Variants in SEMA6D observed in about 807,000 individuals in gnomAD.
The protein encoded by SEMA6D is semaphorin 6D, also known as semaphorin-6D.
A neutral mutation model predicts 106.6 loss-of-function variants in SEMA6D; 35 were observed. The observed-to-expected ratio is 0.33, with a 90% CI of 0.25 to 0.44. The LOEUF (loss-of-function observed/expected upper bound fraction) is 0.44, where lower values mean the gene tolerates loss of function less well. Among genes scored for constraint, SEMA6D ranks in the 20% least tolerant of loss-of-function variants. SEMA6D has a pLI of 1.00. For missense variants in SEMA6D, 1,185 were observed against 1,345.9 expected (o/e 0.88, Z 1.87); for synonymous variants, 499 against 487.7 (o/e 1.02, Z -0.31).
chr15:47,568,696 AT>A (rs2046298644), intron 3 of SEMA6D, among the ~76,000 whole-genome samples: 1 of 151,938 alleles, frequency 6.6e-6, no homozygotes. Context: ...ATTTTGTTTT[AT>A]TTTCCCATAT....
chr15:47,683,651 T>G (rs909988237), intron 4 of SEMA6D, among the ~76,000 whole-genome samples: 2 of 152,230 alleles, frequency 1.3e-5, no homozygotes, highest in Admixed American at 1.3e-4. Flanking sequence ...ACATTTTACT[T>G]AATTTGTATT....
Position 47,771,289 on chromosome 15 carries a change from T to C in SEMA6D, c.2726T>C (p.Leu909Pro). The C allele has an allele frequency of 6.2e-7, 1 of 1,614,026 alleles. No homozygotes were observed. The highest frequency in any genetic ancestry group is 1.7e-4 in the Middle Eastern group (1 of 6,060). ...CAGATGGCACACCAGAACTTAATGC[T>C]GGATCCCATGGGATCGATGTCTGAG... is the stretch of plus-strand genomic sequence containing the variant. ...DIQMAHQNLM[L>P]DPMGSMSEVP... is the part of the protein sequence containing the mutation. Residue 909 changes from leucine to proline, a missense_variant, in exon 19 of 19, where the codon CTG becomes CCG. Leu to Pro is a moderately conservative substitution (Grantham distance 98). Transcript: ENST00000536845.
chr15:47,215,883 G>A (rs958756686), intron 1 of SEMA6D, among the ~76,000 whole-genome samples: 1 of 151,864 alleles, frequency 6.6e-6, no homozygotes, highest in Non-Finnish European at 1.5e-5. Context: ...CAGAGAGGTC[G>A]AGGAGCAGTG....
At chr15:47,256,999 C>T (rs373318983) in intron 1 of SEMA6D, among the ~76,000 whole-genome samples, 427 of 151,952 alleles carry the variant, frequency 2.8e-3, no homozygotes, top group African/African-American at 7.4e-3. Flanking sequence ...ATATTTCTTA[C>T]GTTGTTATAC....
At chr15:47,690,887 T>G (rs534459042) in intron 4 of SEMA6D, among the ~76,000 whole-genome samples, 2 of 152,316 alleles carry the variant, frequency 1.3e-5, no homozygotes, top group East Asian at 3.9e-4. Flanking sequence ...CACCCTCATG[T>G]TAAGATTGTA....
intron 2 of SEMA6D, among the ~76,000 whole-genome samples, chr15:47,453,941 T>C (rs941493623): frequency 2.0e-5 from 3 of 151,974 alleles, no homozygotes; most frequent in Non-Finnish European, 1.5e-5. Context: ...ATGCTCTTTT[T>C]GGCCATGTGA....
intron 1 of SEMA6D, among the ~76,000 whole-genome samples, chr15:47,739,179 A>G (rs2080640837): frequency 1.3e-5 from 2 of 152,222 alleles, no homozygotes; most frequent in Admixed American, 1.3e-4. Context: ...TTCTGAATGG[A>G]AACAATATAA....
chr15:47,542,624 C>T (rs2045391352), intron 3 of SEMA6D, among the ~76,000 whole-genome samples: 1 of 152,162 alleles, frequency 6.6e-6, no homozygotes, highest in Non-Finnish European at 1.5e-5. Context: ...CTAATGTTTA[C>T]AGTACTATTT....
At chr15:47,676,018 C>T (rs1257833891) in intron 4 of SEMA6D, among the ~76,000 whole-genome samples, 2 of 152,188 alleles carry the variant, frequency 1.3e-5, no homozygotes, top group African/African-American at 4.8e-5. Context: ...ATTTGGGGCT[C>T]TGGCTCCTAC....
At chr15:47,393,694 C>G (rs1042316823) in intron 1 of SEMA6D, among the ~76,000 whole-genome samples, 1 of 151,648 alleles carries the variant, frequency 6.6e-6, no homozygotes, top group Non-Finnish European at 1.5e-5. Context: ...ACAGGGAAAC[C>G]CAGCGTGAAA....
At chr15:47,497,909 C>T (rs905523345) in intron 3 of SEMA6D, among the ~76,000 whole-genome samples, 10 of 152,174 alleles carry the variant, frequency 6.6e-5, no homozygotes, top group Middle Eastern at 3.4e-3. Context: ...GCAGAGTTAC[C>T]TTCATCTGTC....
At chr15:47,434,066 A>G (rs901092122) in intron 2 of SEMA6D, among the ~76,000 whole-genome samples, 1 of 152,158 alleles carries the variant, frequency 6.6e-6, no homozygotes, top group Non-Finnish European at 1.5e-5. Flanking sequence ...GAGGTGGCAG[A>G]GAAAAAATGA....
At chr15:47,759,163 T>A (rs1448504478) in intron 1 of SEMA6D, among the ~76,000 whole-genome samples, 1 of 152,126 alleles carries the variant, frequency 6.6e-6, no homozygotes, top group Non-Finnish European at 1.5e-5. Flanking sequence ...GTCATTCGTG[T>A]CATTGTCTCC....
rs2042843116 is a variant in SEMA6D, at chr15:47,471,690, C to T, written c.-87+1145C>T. ...AAGCCCATATTCCTTGGTATTTGAG[C>T]CAGACTAGGGGCTGGGCCTAGTGGG... On this transcript the variant is annotated intron_variant, in intron 3 of 19. Coordinates refer to the SEMA6D transcript ENST00000558014. 2.6e-5 allele frequency among the ~76,000 whole-genome samples: 4 copies of T among 152,052 alleles called. No individual in the cohort carries two copies. In the South Asian group the frequency reaches 8.3e-4, roughly 32 times the overall value.
chr15:47,550,636 A>T (rs1477511161), intron 3 of SEMA6D, among the ~76,000 whole-genome samples: 1 of 152,160 alleles, frequency 6.6e-6, no homozygotes, highest in Non-Finnish European at 1.5e-5. Context: ...CCATCCATCC[A>T]TGTGGACTCA....
chr15:47,289,393 C>CAAAAAAAAAAAAAAAAAA (rs746946975), intron 1 of SEMA6D, among the ~76,000 whole-genome samples: 2 of 46,558 alleles, frequency 4.3e-5, no homozygotes, highest in East Asian at 5.7e-4. Flanking sequence ...AACTCCATCT[C>CAAAAAAAAAAAAAAAAAA]AAAAAAAAAA....
intron 2 of SEMA6D, among the ~76,000 whole-genome samples, chr15:47,460,209 A>G (rs542791507): frequency 1.3e-5 from 2 of 152,224 alleles, no homozygotes; most frequent in South Asian, 4.1e-4. Context: ...GAAATTATTT[A>G]GAATCTAATT....
At chr15:47,600,258 T>C (rs529707391) in intron 3 of SEMA6D, among the ~76,000 whole-genome samples, 46 of 152,262 alleles carry the variant, frequency 3.0e-4, no homozygotes, top group African/African-American at 1.1e-3. Flanking sequence ...CTTTGCCTTA[T>C]ATTATAGAAT....
At chr15:47,708,832 A>G (rs2078962525) in intron 4 of SEMA6D, among the ~76,000 whole-genome samples, 1 of 152,234 alleles carries the variant, frequency 6.6e-6, no homozygotes, top group Non-Finnish European at 1.5e-5. Context: ...CCCAAGTTCA[A>G]GGTCTGGCTC....
Sources: gnomAD v4.1 joint callset for allele counts (sites outside exome capture counted in the v4.1 genomes callset) on GRCh38, gnomAD v4.1.1 for gene constraint, MANE v1.5 for transcripts, NCBI Gene and HGNC (gene_info 2026-07-23, HGNC 2026-07-21) for gene names.